Variants in EDIL3 observed in about 807,000 individuals in gnomAD.
EDIL3 encodes EGF-like repeat and discoidin I-like domain-containing protein 3.
In EDIL3, 37 loss-of-function variants were observed where a neutral mutation model predicts 67.4. The ratio of observed to expected loss-of-function variants is 0.55; its 90% CI spans 0.42 to 0.72. EDIL3 has a LOEUF of 0.72. EDIL3 is among the 30% of genes least tolerant of loss of function. The pLI, the probability that EDIL3 is intolerant of heterozygous loss-of-function variation, is 0.00. For synonymous variants in EDIL3, 195 were observed against 196.3 expected, an observed-to-expected ratio of 0.99 and a Z score of 0.05; for missense variants, 527 against 586.3, an observed-to-expected ratio of 0.90 and a Z score of 1.04.
intron 4 of EDIL3, among the ~76,000 whole-genome samples, chr5:84,144,245 C>T (rs557761457): frequency 6.6e-6 from 1 of 151,128 alleles, no homozygotes; most frequent in East Asian, 2.0e-4. Flanking sequence ...TCCTTGCCTC[C>T]CTTCCTCCCT....
At chr5:84,062,276 T>C (rs1311426354) in intron 8 of EDIL3, among the ~76,000 whole-genome samples, 2 of 152,116 alleles carry the variant, frequency 1.3e-5, no homozygotes, top group African/African-American at 4.8e-5. Context: ...ATGCATTGTC[T>C]ACATTGAAAA....
At chr5:84,377,530 A>C (rs1019411419) in intron 1 of EDIL3, among the ~76,000 whole-genome samples, 1 of 152,136 alleles carries the variant, frequency 6.6e-6, no homozygotes, top group Admixed American at 6.5e-5. Context: ...AATCAGTAAA[A>C]TCTAAATGGT....
At chr5:84,190,162 A>T (rs1454541539) in intron 3 of EDIL3, among the ~76,000 whole-genome samples, 1 of 152,008 alleles carries the variant, frequency 6.6e-6, no homozygotes. Flanking sequence ...GGCCTTCAGA[A>T]TAACAACGAT....
intron 1 of EDIL3, among the ~76,000 whole-genome samples, chr5:84,288,804 A>G (rs1469735201): frequency 1.3e-5 from 2 of 152,108 alleles, no homozygotes; most frequent in Non-Finnish European, 2.9e-5. Context: ...GTCATACTAC[A>G]CATTTTACAT....
intron 3 of EDIL3, among the ~76,000 whole-genome samples, chr5:84,215,791 T>G (rs1162116323): frequency 6.6e-6 from 1 of 152,090 alleles, no homozygotes; most frequent in Non-Finnish European, 1.5e-5. Flanking sequence ...TGTCCAGGGT[T>G]TATGTTTGTG....
chr5:83,964,697 T>C (rs1744660667), intron 9 of EDIL3, among the ~76,000 whole-genome samples: 1 of 152,120 alleles, frequency 6.6e-6, no homozygotes, highest in South Asian at 2.1e-4. Flanking sequence ...GAGCTTTTTG[T>C]TAACTTTTTG....
At chr5:84,213,944 A>G (rs1355475877) in intron 3 of EDIL3, among the ~76,000 whole-genome samples, 1 of 152,122 alleles carries the variant, frequency 6.6e-6, no homozygotes, top group Non-Finnish European at 1.5e-5. Context: ...TTCCTTGTGG[A>G]CCTCAAACTT....
At chr5:84,065,213 C>CT (rs2076590801) in intron 7 of EDIL3, among the ~76,000 whole-genome samples, 1 of 152,092 alleles carries the variant, frequency 6.6e-6, no homozygotes, top group South Asian at 2.1e-4. Context: ...AGTATTCATA[C>CT]TTTTGGGGGT....
intron 1 of EDIL3, among the ~76,000 whole-genome samples, chr5:84,302,545 C>T (rs993547168): frequency 1.3e-5 from 2 of 152,174 alleles, no homozygotes; most frequent in African/African-American, 4.8e-5. Context: ...ATCCGCCTGC[C>T]TCGGCCTCGC....
chr5:84,157,789 A>C (rs1748519606), intron 4 of EDIL3, among the ~76,000 whole-genome samples: 1 of 152,032 alleles, frequency 6.6e-6, no homozygotes, highest in African/African-American at 2.4e-5. Context: ...TTTCCCTTTT[A>C]ATTACTTCTT....
intron 5 of EDIL3, among the ~76,000 whole-genome samples, chr5:84,136,431 C>G (rs1444760656): frequency 6.6e-6 from 1 of 152,156 alleles, no homozygotes; most frequent in African/African-American, 2.4e-5. Context: ...ATTTTAGGCC[C>G]CATCCCATTG....
chr5:84,217,321 T>C (rs1425874648), intron 3 of EDIL3, among the ~76,000 whole-genome samples: 2 of 152,306 alleles, frequency 1.3e-5, no homozygotes, highest in South Asian at 2.1e-4. Context: ...GGTTCTTTGG[T>C]AAATAAAACA....
intron 9 of EDIL3, among the ~76,000 whole-genome samples, chr5:83,999,851 C>T (rs976169327): frequency 6.6e-6 from 1 of 151,768 alleles, no homozygotes; most frequent in African/African-American, 2.4e-5. Context: ...ATTTAATAAT[C>T]AAAATTCCAA....
At chr5:84,366,624 T>C (rs1747740748) in intron 1 of EDIL3, among the ~76,000 whole-genome samples, 1 of 152,216 alleles carries the variant, frequency 6.6e-6, no homozygotes, top group African/African-American at 2.4e-5. Context: ...AAAATATTGT[T>C]AAACTGTTCT....
intron 9 of EDIL3, among the ~76,000 whole-genome samples, chr5:84,017,968 A>G (rs1046368770): frequency 3.9e-5 from 6 of 152,150 alleles, no homozygotes; most frequent in African/African-American, 1.4e-4. Context: ...ACACTCTCCC[A>G]ATGAAAGCTT....
chr5:83,952,476 T>C (rs955706318), intron 10 of EDIL3, among the ~76,000 whole-genome samples: 2 of 151,822 alleles, frequency 1.3e-5, no homozygotes, highest in African/African-American at 4.8e-5. Context: ...ATAAGAAATA[T>C]TCCCACAGAA....
chr5:84,336,292 G>C (rs1429379181), intron 1 of EDIL3, among the ~76,000 whole-genome samples: 1 of 152,160 alleles, frequency 6.6e-6, no homozygotes, highest in Non-Finnish European at 1.5e-5. Context: ...GTGGGTGGAA[G>C]GTGAGACTGC....
chr5:83,994,428 A>G (rs1258278741), intron 9 of EDIL3, among the ~76,000 whole-genome samples: 1 of 143,202 alleles, frequency 7.0e-6, no homozygotes. Flanking sequence ...GCTACTATGT[A>G]AAGGTTTTTA....
At chr5:84,056,457 A>G (rs1580303545) in intron 9 of EDIL3, among the ~76,000 whole-genome samples, 1 of 152,090 alleles carries the variant, frequency 6.6e-6, no homozygotes, top group Non-Finnish European at 1.5e-5. Flanking sequence ...GTATCCTAGA[A>G]CTTATAAAGT....
Sources: allele counts gnomAD v4.1 joint callset (sites outside exome capture counted in the v4.1 genomes callset), GRCh38; gene constraint gnomAD v4.1.1; transcripts MANE v1.5; gene names NCBI Gene and HGNC (gene_info 2026-07-23, HGNC 2026-07-21).